Variants in GLRX observed in about 807,000 individuals in gnomAD.
GLRX encodes glutaredoxin, also known as glutaredoxin-1.
Under a neutral mutation model 11.1 loss-of-function variants are expected in GLRX, and 9 were observed. That is an observed-to-expected ratio of 0.81 (90% CI 0.49 to 1.42). The LOEUF is 1.42. Among genes scored for constraint, GLRX ranks in the 40% most tolerant of loss-of-function variants. GLRX has a pLI of 0.00. For missense variants in GLRX, 102 were observed against 126.2 expected (o/e 0.81, Z 0.92); for synonymous variants, 49 against 49.5 (o/e 0.99, Z 0.04).
Position 95,816,660 on chromosome 5 carries a change from TTAC to T in GLRX, c.208-37_208-35del, listed in dbSNP as rs759376515. The T allele has an allele frequency of 3.0e-6, 3 of 985,122 alleles. No homozygotes were observed. In the African/African-American group the frequency reaches 4.7e-5, roughly 16 times the overall value. 61.0% of individuals were successfully genotyped at this position (985,122 alleles called of 1,614,324 possible). The stretch of plus-strand genomic sequence containing the variant: ...GCACACGACCCAGGACATTACTACA[TTAC>T]TAGATTAGACAGAACATTTCTATCC... On this transcript the variant is annotated intron_variant, in intron 1 of 2. Transcript: ENST00000237858.
At chr5:95,821,304 C>G (rs1036123031) in intron 1 of GLRX, among the ~76,000 whole-genome samples, 1 of 152,146 alleles carries the variant, frequency 6.6e-6, no homozygotes, top group Non-Finnish European at 1.5e-5. Context: ...TTGCACTGCC[C>G]TTTACACCTC....
Position 95,816,056 on chromosome 5 carries a change from C to G in GLRX, c.*6+451G>C, listed in dbSNP as rs139688558. 1.2e-4 allele frequency among the ~76,000 whole-genome samples: 18 copies of G among 152,320 alleles called. 1 individual carries two copies. Among genetic ancestry groups the G allele is most frequent in the African/African-American group, 4.3e-4 (18 of 41,572 alleles). ...TGCCTGAAAAGCTCTTCTGCTTCATCTCTGCATAGCAGTCCCCTTGTTAAC... is the reference window on the plus strand; with the variant it reads ...TGCCTGAAAAGCTCTTCTGCTTCATGTCTGCATAGCAGTCCCCTTGTTAAC... On this transcript the variant is annotated intron_variant, in intron 2 of 2. Transcript: ENST00000237858.
At chr5:95,814,771 A>C (rs1254482264) in intron 2 of GLRX, 1 of 152,506 alleles carries the variant, frequency 6.6e-6, no homozygotes, top group African/African-American at 2.4e-5. Context: ...GAGCACATCC[A>C]GAAGAAAACC....
chr5:95,819,541 T>G (rs1361447736), intron 1 of GLRX: 1 of 152,186 alleles, frequency 6.6e-6, no homozygotes, highest in Non-Finnish European at 1.5e-5. Flanking sequence ...TTGAAGCCAC[T>G]AACTTTCCAT....
rs1247570347 is a variant in GLRX, at chr5:95,814,145, G to GT, written c.*250dup. On this transcript the variant is annotated 3_prime_UTR_variant, in exon 3 of 3. Transcript: ENST00000237858. ...AGATACACTCTTGGTGTAGGGGGCT[G>GT]TAAGTTTTATCAGATGTTTTACATT... 4 of 152,440 alleles carry GT rather than the reference G, an allele frequency of 2.6e-5. No homozygotes were observed. The highest frequency in any genetic ancestry group is 4.4e-5 in the Non-Finnish European group (3 of 68,042). 9.4% of individuals were successfully genotyped at this position (152,440 alleles called of 1,614,324 possible). A position where few individuals can be genotyped will look rare whatever the true frequency, so the allele number is the denominator to read the frequency against.
At chr5:95,815,920 G>C (rs146106875) in intron 2 of GLRX, among the ~76,000 whole-genome samples, 4 of 152,220 alleles carry the variant, frequency 2.6e-5, no homozygotes, top group Non-Finnish European at 2.9e-5. Context: ...CACCTTTCTC[G>C]CTATTCTTCC....
At chr5:95,820,391 A>G (rs1358771343) in intron 1 of GLRX, among the ~76,000 whole-genome samples, 1 of 149,406 alleles carries the variant, frequency 6.7e-6, no homozygotes, top group East Asian at 2.0e-4. Flanking sequence ...AAAGATTACT[A>G]CAAGAAATAT....
At chr5:95,817,827 C>G (rs1370495338) in intron 1 of GLRX, 2 of 152,130 alleles carry the variant, frequency 1.3e-5, no homozygotes, top group Non-Finnish European at 2.9e-5. Context: ...AGGCAGAAAG[C>G]AATGAGACTA....
At chr5:95,817,423 A>C (rs1339833326) in intron 1 of GLRX, 1 of 152,374 alleles carries the variant, frequency 6.6e-6, no homozygotes, top group East Asian at 1.9e-4. Context: ...AGCAAAACAA[A>C]GCAACACAAG....
chr5:95,814,599 T>C (rs1399985314), intron 2 of GLRX: 1 of 152,502 alleles, frequency 6.6e-6, no homozygotes, highest in Non-Finnish European at 1.5e-5. Context: ...GATTCATCAT[T>C]GTGGAGAAGG....
chr5:95,822,345 C>G, intron 1 of GLRX, 111 bp downstream of exon 1: 1 of 850,870 alleles, frequency 1.2e-6, no homozygotes, highest in South Asian at 1.4e-5. Flanking sequence ...CCGCACAGCC[C>G]TCTGGACGCC....
intron 1 of GLRX, chr5:95,822,202 C>G: frequency 1.9e-6 from 1 of 539,316 alleles, no homozygotes; most frequent in Non-Finnish European, 3.3e-6. Context: ...GCTGCTGGTC[C>G]CACTTACCCT....
At chr5:95,817,207 G>C (rs974297804) in intron 1 of GLRX, 2 of 152,940 alleles carry the variant, frequency 1.3e-5, no homozygotes, top group African/African-American at 4.8e-5. Context: ...TTGAGCCCAG[G>C]AGTTCAAGAC....
intron 1 of GLRX, chr5:95,822,221 G>GCAGACAT (rs1747266675): frequency 1.8e-6 from 1 of 564,980 alleles, no homozygotes; most frequent in Non-Finnish European, 3.2e-6. Flanking sequence ...CTGCCGCACA[G>GCAGACAT]CAGACATCAG....
intron 1 of GLRX, chr5:95,818,017 T>A (rs1221348867): frequency 1.3e-5 from 2 of 152,132 alleles, no homozygotes; most frequent in Non-Finnish European, 2.9e-5. Context: ...TAAAAACAAA[T>A]CTTGCACATT....
At chr5:95,822,325 A>C (rs1580449813) in intron 1 of GLRX, 131 bp downstream of exon 1, 2,097 of 490,262 alleles carry the variant, frequency 4.3e-3, no homozygotes, top group East Asian at 0.01. Flanking sequence ...CCTCCCCCAC[A>C]CCCCCCGCCC....
In GLRX at chr5:95,822,442, A is replaced by T; in HGVS notation, c.207+14T>A. The stretch of plus-strand genomic sequence containing the variant: ...TCCGGGAGCCTTTCCCTAGCCGTTT[A>T]AAATGAAACTCACCGTTCTTGCTCC... On this transcript the variant is annotated intron_variant, in intron 1 of 2. Coordinates refer to ENST00000237858, the MANE Select transcript of GLRX (RefSeq NM_001118890.2). The T allele has an allele frequency of 6.2e-7, 1 of 1,603,368 alleles. No homozygotes were observed. The highest frequency in any genetic ancestry group is 8.5e-7 in the Non-Finnish European group (1 of 1,170,148).
At chr5:95,821,344 G>A (rs1166706445) in intron 1 of GLRX, among the ~76,000 whole-genome samples, 1 of 152,084 alleles carries the variant, frequency 6.6e-6, no homozygotes. Context: ...TGCAGCTGGT[G>A]GTCCCACTAG....
intron 1 of GLRX, chr5:95,819,508 G>C (rs1580447440): frequency 6.6e-6 from 1 of 152,100 alleles, no homozygotes; most frequent in African/African-American, 2.4e-5. Flanking sequence ...ACAAAAACAG[G>C]TTTTACCAAG....
Sources: allele counts gnomAD v4.1 joint callset (sites outside exome capture counted in the v4.1 genomes callset), GRCh38; gene constraint gnomAD v4.1.1; transcripts MANE v1.5; gene names NCBI Gene and HGNC (gene_info 2026-07-23, HGNC 2026-07-21).